The following CYRIB variants were observed in gnomAD, a reference collection of about 807,000 sequenced individuals.
CYRIB encodes the protein CYFIP-related Rac1 interactor B.
In CYRIB, 8 loss-of-function variants were observed where a neutral mutation model predicts 44.2. The ratio of observed to expected loss-of-function variants is 0.18; its 90% CI spans 0.11 to 0.33. The LOEUF (loss-of-function observed/expected upper bound fraction) is 0.33. CYRIB is among the 10% of genes least tolerant of loss of function. The pLI, the probability that CYRIB is intolerant of heterozygous loss-of-function variation, is 1.00. For synonymous variants in CYRIB, 131 were observed against 127.2 expected, an observed-to-expected ratio of 1.03 and a Z score of -0.20; for missense variants, 185 against 382.8, an observed-to-expected ratio of 0.48 and a Z score of 4.31.
chr8:129,949,698 T>C (rs1441969824), intron 2 of CYRIB, among the ~76,000 whole-genome samples: 2 of 151,018 alleles, frequency 1.3e-5, no homozygotes, highest in Non-Finnish European at 1.5e-5. Context: ...AGAGAAACCC[T>C]GTCTCTACTA....
chr8:129,927,060 A>T (rs867607260), intron 1 of CYRIB, among the ~76,000 whole-genome samples: 1 of 152,180 alleles, frequency 6.6e-6, no homozygotes, highest in Middle Eastern at 3.2e-3. Context: ...AGGTGGGCAG[A>T]TCACTTGAGA....
intron 6 of CYRIB, 72 bp downstream of exon 8, chr8:129,855,539 C>T (rs371407613): frequency 6.1e-6 from 9 of 1,476,818 alleles, no homozygotes; most frequent in Non-Finnish European, 7.5e-6. Flanking sequence ...CAATGTTTCC[C>T]GGCTCTTCCT....
Position 129,886,241 on chromosome 8 carries a change from A to G in CYRIB, c.-10-6770T>C, listed in dbSNP as rs1357323892. Reference sequence around the variant, plus strand: ...AAACCTGTGCCTGTCAAGGTCACCAAAACTTGCATTTGGCTAAATCTAAAG... The same window carrying G: ...AAACCTGTGCCTGTCAAGGTCACCAGAACTTGCATTTGGCTAAATCTAAAG... On this transcript the variant is annotated intron_variant, in intron 2 of 11. Coordinates refer to ENST00000519824, the Ensembl canonical transcript of CYRIB. Among the ~76,000 whole-genome samples, 6 of 152,318 alleles carry G rather than the reference A, an allele frequency of 3.9e-5. No homozygotes were observed. The South Asian group carries it at 1.0e-3, about 26-fold the overall frequency.
intron 4 of CYRIB, among the ~76,000 whole-genome samples, chr8:129,867,287 CT>C (rs747961490): frequency 0.023 from 2,972 of 131,070 alleles, 74 homozygotes; most frequent in African/African-American, 0.067. Context: ...CCACACCTGG[CT>C]TTTTTTTTTT....
intron 1 of CYRIB, among the ~76,000 whole-genome samples, chr8:130,002,398 C>T (rs1016893927): frequency 3.3e-5 from 5 of 151,962 alleles, no homozygotes; most frequent in African/African-American, 7.3e-5. Flanking sequence ...GAGGTCGAGG[C>T]TGCAGTGAGC....
intron 11 of CYRIB, among the ~76,000 whole-genome samples, chr8:129,845,782 A>G (rs1031819882): frequency 6.6e-6 from 1 of 152,148 alleles, no homozygotes; most frequent in Non-Finnish European, 1.5e-5. Flanking sequence ...ATCATCTTTT[A>G]TGTCATGTGA....
chr8:129,856,056 A>C (rs190225507), intron 5 of CYRIB, among the ~76,000 whole-genome samples: 12 of 152,382 alleles, frequency 7.9e-5, no homozygotes, highest in Admixed American at 7.8e-4. Flanking sequence ...CAAGTTTTAT[A>C]TTACTTTAAT....
At chr8:129,852,041 C>A in intron 8 of CYRIB, 121 bp downstream of exon 10, 1 of 529,960 alleles carries the variant, frequency 1.9e-6, no homozygotes, top group Non-Finnish European at 3.2e-6. Context: ...CAGGACTCAA[C>A]ACATACATCT....
At position 129,908,947 on chromosome 8, in the gene CYRIB, A is replaced by AT. The variant is rs199876836; in HGVS notation, c.-49-5598dup. Among the ~76,000 whole-genome samples the AT allele has an allele frequency of 1.2e-3, 172 of 145,504 alleles. 1 individual carries two copies. Among genetic ancestry groups the AT allele is most frequent in the Non-Finnish European group, 2.0e-3 (128 of 64,842 alleles). ...ATCAATACATTCTTTTTTTATAAAG[A>AT]TTTTAAAAAAATGTTTTTAAATAAA... is the stretch of plus-strand genomic sequence containing the variant. On this transcript the variant is annotated intron_variant, in intron 1 of 11. Transcript: ENST00000519824.
chr8:129,943,989 G>T (rs949791776), upstream of CYRIB, among the ~76,000 whole-genome samples: 1 of 150,606 alleles, frequency 6.6e-6, no homozygotes, highest in Non-Finnish European at 1.5e-5. Context: ...AGGAGAAAAC[G>T]CAGGGGGCCA....
chr8:129,875,342 T>C (rs865920897), intron 3 of CYRIB, among the ~76,000 whole-genome samples: 1 of 151,960 alleles, frequency 6.6e-6, no homozygotes, highest in Non-Finnish European at 1.5e-5. Context: ...CACAGCTCAC[T>C]GCAAGGGCAC....
chr8:129,859,697 T>A (rs944790786), intron 5 of CYRIB, among the ~76,000 whole-genome samples: 1 of 152,220 alleles, frequency 6.6e-6, no homozygotes. Flanking sequence ...TATCTCTGTA[T>A]GGCCTGGCTT....
At chr8:129,959,206 T>C (rs894843950) in intron 2 of CYRIB, among the ~76,000 whole-genome samples, 4 of 152,006 alleles carry the variant, frequency 2.6e-5, no homozygotes, top group African/African-American at 9.7e-5. Context: ...TAACAATTTA[T>C]TTTCTCTACC....
intron 1 of CYRIB, among the ~76,000 whole-genome samples, chr8:129,994,687 T>C (rs1272452137): frequency 6.6e-6 from 1 of 152,230 alleles, no homozygotes; most frequent in East Asian, 1.9e-4. Flanking sequence ...CAGTCAGGGC[T>C]ATGGAACATC....
chr8:129,989,641 T>G (rs962851295), intron 1 of CYRIB, among the ~76,000 whole-genome samples: 50 of 114,908 alleles, frequency 4.4e-4, no homozygotes, highest in African/African-American at 1.6e-3. Context: ...ATGCCCTTTC[T>G]TTTTTTTTTT....
chr8:129,910,498 TTTTTTTA>T (rs1454911444), intron 1 of CYRIB, among the ~76,000 whole-genome samples: 1 of 143,592 alleles, frequency 7.0e-6, no homozygotes, highest in African/African-American at 2.6e-5. Context: ...TTTTTTTTTT[TTTTTTTA>T]AAGAGACAAG....
intron 2 of CYRIB, 116 bp from the exon 5 acceptor site, chr8:129,879,587 T>C: frequency 2.7e-6 from 2 of 751,944 alleles, no homozygotes; most frequent in Middle Eastern, 3.8e-4. Flanking sequence ...GAATTCATTC[T>C]TCAGGTTACC....
chr8:129,871,328 G>A (rs1265521112), intron 4 of CYRIB, 47 bp downstream of exon 6: 1 of 1,570,908 alleles, frequency 6.4e-7, no homozygotes, highest in African/African-American at 1.4e-5. Context: ...ACAAAGAGGT[G>A]GGACAGTAAG....
At chr8:129,944,655 C>T (rs117204509), upstream of CYRIB, among the ~76,000 whole-genome samples, 1,392 of 152,002 alleles carry the variant, frequency 9.2e-3, 13 homozygotes, top group Non-Finnish European at 0.013. Context: ...TGGTGGCACA[C>T]GCTTGTATTC....
Sources: gnomAD v4.1 joint callset for allele counts (sites outside exome capture counted in the v4.1 genomes callset) on GRCh38, gnomAD v4.1.1 for gene constraint, MANE v1.5 for transcripts, NCBI Gene and HGNC (gene_info 2026-07-23, HGNC 2026-07-21) for gene names.